ITGB3: variants seen among roughly 807,000 people sequenced by gnomAD.
The protein encoded by ITGB3 is integrin subunit beta 3.
A neutral mutation model predicts 85.8 loss-of-function variants in ITGB3; 48 were observed. The ratio of observed to expected loss-of-function variants is 0.56; its 90% confidence interval spans 0.44 to 0.71. The LOEUF is 0.71. Ranked by LOEUF, ITGB3 falls within the 30% of genes least tolerant of loss-of-function variation. The pLI, the probability that ITGB3 is intolerant of heterozygous loss-of-function variation, is 0.00. For missense variants in ITGB3, 861 were observed against 1,019.1 expected (o/e 0.84, Z 2.11); for synonymous variants, 363 against 395.6 (o/e 0.92, Z 0.98).
intron 2 of ITGB3, 105 bp from the exon 3 acceptor site, chr17:47,283,249 G>A: frequency 9.5e-7 from 1 of 1,050,854 alleles, no homozygotes; most frequent in African/African-American, 1.6e-5. Flanking sequence ...ATGCTCCAAT[G>A]TACGGGGTAA....
intron 13 of ITGB3, among the ~76,000 whole-genome samples, chr17:47,307,124 A>G (rs1328115058): frequency 6.6e-6 from 1 of 152,166 alleles, no homozygotes; most frequent in African/African-American, 2.4e-5. Context: ...ACTCATAGGT[A>G]GTTTTTCGAT....
intron 1 of ITGB3, among the ~76,000 whole-genome samples, chr17:47,272,388 C>T (rs543135466): frequency 8.5e-5 from 13 of 152,168 alleles, no homozygotes; most frequent in African/African-American, 1.7e-4. Flanking sequence ...ACATTGTTCT[C>T]ATCAAGAATT....
intron 10 of ITGB3, among the ~76,000 whole-genome samples, chr17:47,297,513 G>A (rs1483345074): frequency 6.6e-6 from 1 of 152,012 alleles, no homozygotes; most frequent in South Asian, 2.1e-4. Context: ...AACATTAGCC[G>A]GGCATGGTGG....
rs117774372 is a variant in ITGB3, at chr17:47,296,682, G to C, written c.1691-2626G>C. Among the ~76,000 whole-genome samples the C allele has an allele frequency of 4.7e-3, 709 of 152,302 alleles. 3 individuals are homozygous for C. Among genetic ancestry groups the C allele is most frequent in the Middle Eastern group, 0.01 (3 of 294 alleles). ...ATTTTTGATTGTTATAACTGGAAAG[G>C]TGCTACTGATGTCTAGAGGGTGGAG... is the stretch of plus-strand genomic sequence containing the variant. On this transcript the variant is annotated intron_variant, in intron 10 of 14. Transcript: ENST00000559488.
intron 12 of ITGB3, among the ~76,000 whole-genome samples, chr17:47,301,276 A>T (rs1466483004): frequency 6.6e-6 from 1 of 152,100 alleles, no homozygotes; most frequent in Non-Finnish European, 1.5e-5. Context: ...TTGAGATGGT[A>T]CTCTAGTACT....
intron 2 of ITGB3, among the ~76,000 whole-genome samples, chr17:47,280,815 C>A (rs374135423): frequency 5.9e-5 from 9 of 152,316 alleles, no homozygotes; most frequent in African/African-American, 2.2e-4. Flanking sequence ...CTACCTGGGG[C>A]ATTCTCTGTT....
chr17:47,271,414 G>A (rs1042628135), intron 1 of ITGB3, among the ~76,000 whole-genome samples: 1 of 152,190 alleles, frequency 6.6e-6, no homozygotes, highest in Admixed American at 6.5e-5. Context: ...TAAAGAACCA[G>A]TAAGACGTTA....
chr17:47,278,336 C>T (rs2065070835), intron 2 of ITGB3, among the ~76,000 whole-genome samples: 1 of 152,098 alleles, frequency 6.6e-6, no homozygotes, highest in Non-Finnish European at 1.5e-5. Flanking sequence ...TCCTGTAATC[C>T]CAGCAGGGCC....
intron 9 of ITGB3, among the ~76,000 whole-genome samples, chr17:47,291,706 G>A (rs1219025392): frequency 6.6e-6 from 1 of 152,226 alleles, no homozygotes; most frequent in African/African-American, 2.4e-5. Context: ...TATGAAATGT[G>A]TGGGAACTGA....
intron 6 of ITGB3, among the ~76,000 whole-genome samples, chr17:47,289,175 T>G (rs2065115653): frequency 6.6e-6 from 1 of 152,214 alleles, no homozygotes; most frequent in African/African-American, 2.4e-5. Flanking sequence ...CAGTCCCTTG[T>G]GCACGGAAGC....
At chr17:47,279,034 CTTCTT>C (rs1170931721) in intron 2 of ITGB3, among the ~76,000 whole-genome samples, 2 of 152,236 alleles carry the variant, frequency 1.3e-5, no homozygotes, top group African/African-American at 2.4e-5. Context: ...CATTCACAGT[CTTCTT>C]TTACTTCCTG....
Position 47,271,814 on chromosome 17 carries a change from C to T in ITGB3, c.80-2605C>T, listed in dbSNP as rs535155055. Among the ~76,000 whole-genome samples, 15 of 152,092 alleles carry T rather than the reference C, an allele frequency of 9.9e-5. No individual in the cohort carries two copies. In the South Asian group the frequency reaches 2.9e-3, roughly 30 times the overall value. ...CAGGTGGAGTGCAGTGGCATGATAT[C>T]GGCTCACTGTAACCTCTGCCTCCTG... On this transcript the variant is annotated intron_variant, in intron 1 of 14. Coordinates refer to ENST00000559488, the MANE Select transcript of ITGB3 (RefSeq NM_000212.3).
rs1344245512 is a variant in ITGB3, at chr17:47,256,662, C to T, written c.79+2722C>T. Among the ~76,000 whole-genome samples the T allele has an allele frequency of 3.9e-5, 6 of 152,188 alleles. 1 individual carries two copies. The South Asian group carries it at 6.2e-4, about 16-fold the overall frequency. Reference sequence around the variant, plus strand: ...GCACAGAGAGGTTGTCCCAGAGTAGCGGAGTCTGCTTTGGGGAGAAGAGAG... The same window carrying T: ...GCACAGAGAGGTTGTCCCAGAGTAGTGGAGTCTGCTTTGGGGAGAAGAGAG... On this transcript the variant is annotated intron_variant, in intron 1 of 14. Coordinates refer to ENST00000559488, the MANE Select transcript of ITGB3 (RefSeq NM_000212.3).
chr17:47,273,704 C>G (rs921122104), intron 1 of ITGB3, among the ~76,000 whole-genome samples: 3 of 152,246 alleles, frequency 2.0e-5, no homozygotes, highest in Non-Finnish European at 4.4e-5. Context: ...GTTGAGTTGC[C>G]CAAGGTCATG....
At chr17:47,260,223 G>C (rs1474186505) in intron 1 of ITGB3, among the ~76,000 whole-genome samples, 2 of 152,152 alleles carry the variant, frequency 1.3e-5, no homozygotes, top group African/African-American at 4.8e-5. Context: ...TCATCAGCTT[G>C]CTGGGTGACT....
intron 1 of ITGB3, among the ~76,000 whole-genome samples, chr17:47,273,743 T>C (rs1326184784): frequency 2.6e-5 from 4 of 152,218 alleles, no homozygotes; most frequent in Non-Finnish European, 5.9e-5. Flanking sequence ...ACATTCAGAA[T>C]TCAAGCACAA....
intron 10 of ITGB3, among the ~76,000 whole-genome samples, chr17:47,293,537 G>T (rs1272669803): frequency 2.6e-5 from 4 of 152,088 alleles, no homozygotes; most frequent in African/African-American, 9.7e-5. Flanking sequence ...CGGGTGTATT[G>T]TGTGGCCAAA....
intron 2 of ITGB3, among the ~76,000 whole-genome samples, chr17:47,278,755 T>C (rs2065072690): frequency 6.6e-6 from 1 of 152,174 alleles, no homozygotes. Flanking sequence ...AGATCCGTGG[T>C]GGCATTAGAT....
At chr17:47,274,568 C>A in intron 2 of ITGB3, 64 bp downstream of exon 2, 1 of 1,396,820 alleles carries the variant, frequency 7.2e-7, no homozygotes, top group Non-Finnish European at 1.0e-6. Flanking sequence ...CAGAAACAGA[C>A]CCATGAAGTT....
Sources: allele counts gnomAD v4.1 joint callset (sites outside exome capture counted in the v4.1 genomes callset), GRCh38; gene constraint gnomAD v4.1.1; transcripts MANE v1.5; gene names NCBI Gene and HGNC (gene_info 2026-07-23, HGNC 2026-07-21).